Variants in PIAS1 observed in about 807,000 individuals in gnomAD.
PIAS1 encodes E3 SUMO-protein ligase PIAS1.
PIAS1 carries 6 observed loss-of-function variants against 71.3 expected under a neutral mutation model. The ratio of observed to expected loss-of-function variants is 0.08; its 90% CI spans 0.05 to 0.17. The LOEUF (loss-of-function observed/expected upper bound fraction) is 0.17. Ranked by LOEUF, PIAS1 falls within the 10% of genes least tolerant of loss-of-function variation. PIAS1 has a pLI of 1.00. For missense variants in PIAS1, 555 were observed against 793.6 expected, an observed-to-expected ratio of 0.70 and a Z score of 3.61; for synonymous variants, 303 against 292.9, an observed-to-expected ratio of 1.03 and a Z score of -0.35.
chr15:68,055,661 C>G (rs1012339016), intron 1 of PIAS1: 1 of 380,372 alleles, frequency 2.6e-6, no homozygotes, highest in African/African-American at 2.1e-5. Flanking sequence ...CTGGTTATGT[C>G]TCGACCCAGA....
rs1250658850 is a variant in PIAS1, at chr15:68,134,961, G to C, written c.470-6985G>C. 3.2e-4 allele frequency among the ~76,000 whole-genome samples: 16 copies of C among 50,744 alleles called. 1 individual carries two copies. Among genetic ancestry groups the C allele is most frequent in the African/African-American group, 6.2e-4 (15 of 24,326 alleles). The allele number at this position is 50,744 out of a possible 152,430, so 33.3% of individuals were successfully genotyped here. On this transcript the variant is annotated intron_variant, in intron 2 of 13. Transcript: ENST00000249636. Reference sequence around the variant, plus strand: ...CACCCCCCGGACGGGGCGGCCGGCCGGGGGGGCTAACCCCCCCCACCTCCC... The same window carrying C: ...CACCCCCCGGACGGGGCGGCCGGCCCGGGGGGCTAACCCCCCCCACCTCCC...
chr15:68,081,136 G>A (rs186343907), intron 1 of PIAS1, among the ~76,000 whole-genome samples: 7 of 152,274 alleles, frequency 4.6e-5, no homozygotes, highest in East Asian at 3.9e-4. Context: ...CAGAGTTTGC[G>A]TACATATATA....
intron 1 of PIAS1, among the ~76,000 whole-genome samples, chr15:68,066,074 A>C (rs1462453094): frequency 2.0e-5 from 3 of 151,212 alleles, no homozygotes; most frequent in Admixed American, 6.6e-5. Flanking sequence ...TGTAATCAGT[A>C]ATGGTGTGGG....
intron 2 of PIAS1, among the ~76,000 whole-genome samples, chr15:68,113,102 A>G (rs575418052): frequency 6.6e-6 from 1 of 152,330 alleles, no homozygotes; most frequent in East Asian, 1.9e-4. Context: ...CATTAAAGAT[A>G]TGTTTATTAA....
In PIAS1 at chr15:68,191,615, G is replaced by A. The variant is rs1465943863; in HGVS notation, c.*3780G>A. 1 of 152,648 alleles carries A rather than the reference G, an allele frequency of 6.6e-6. No individual in the cohort carries two copies. Among genetic ancestry groups the A allele is most frequent in the Non-Finnish European group, 1.5e-5 (1 of 68,040 alleles). The allele number at this position is 152,648 out of a possible 1,614,324, so 9.5% of individuals were successfully genotyped here. ...TAATTTTCTTGCAGCATGCTTTGAGGTAAGTAATGAATATAGCCATCATTT... is the reference window on the plus strand; with the variant it reads ...TAATTTTCTTGCAGCATGCTTTGAGATAAGTAATGAATATAGCCATCATTT... On this transcript the variant is annotated 3_prime_UTR_variant, in exon 14 of 14. Coordinates refer to ENST00000249636, the MANE Select transcript of PIAS1 (RefSeq NM_016166.3).
intron 7 of PIAS1, among the ~76,000 whole-genome samples, chr15:68,158,160 A>T (rs548971641): frequency 4.3e-4 from 65 of 152,156 alleles, no homozygotes; most frequent in African/African-American, 1.6e-3. Context: ...TGACACACAA[A>T]CTTTCCATCA....
At chr15:68,058,732 G>A (rs1236491904) in intron 1 of PIAS1, among the ~76,000 whole-genome samples, 1 of 152,140 alleles carries the variant, frequency 6.6e-6, no homozygotes, top group Non-Finnish European at 1.5e-5. Flanking sequence ...GAAAATTTCA[G>A]AGAATCTGAG....
intron 2 of PIAS1, among the ~76,000 whole-genome samples, chr15:68,114,695 CTA>C (rs2141013316): frequency 6.6e-6 from 1 of 151,982 alleles, no homozygotes; most frequent in East Asian, 1.9e-4. Context: ...CTCAGTGTTT[CTA>C]TCATCAGAAT....
intron 6 of PIAS1, among the ~76,000 whole-genome samples, chr15:68,152,928 AC>A (rs762935053): frequency 4.9e-4 from 52 of 105,416 alleles, no homozygotes; most frequent in Middle Eastern, 0.01. Context: ...GTCCCCTTCT[AC>A]CTCTGTCATC....
rs1326607188 is a variant in PIAS1 at position 68,188,072 on chromosome 15, AAAAGG to A, written c.*242_*246del. ...GTGATAAAACACTTGTTTAAAAAAA[AAAAGG>A]AAAGAAAAGAAAAAAGAAAAACAAG... On this transcript the variant is annotated 3_prime_UTR_variant, in exon 14 of 14. Transcript: ENST00000249636. 6.6e-6 allele frequency: 2 copies of A among 303,848 alleles called. No individual in the cohort carries two copies. The highest frequency in any genetic ancestry group is 5.2e-5 in the East Asian group (1 of 19,392). 18.8% of individuals were successfully genotyped at this position (303,848 alleles called of 1,614,324 possible). A position where few individuals can be genotyped will look rare whatever the true frequency, so the allele number is the denominator to read the frequency against.
intron 7 of PIAS1, among the ~76,000 whole-genome samples, chr15:68,159,057 T>C (rs945256662): frequency 3.3e-5 from 5 of 152,128 alleles, no homozygotes; most frequent in African/African-American, 7.2e-5. Context: ...AATCGACTTA[T>C]TGGGTAAAAC....
intron 2 of PIAS1, among the ~76,000 whole-genome samples, chr15:68,140,330 G>A (rs59274623): frequency 0.016 from 2,498 of 152,214 alleles, 70 homozygotes; most frequent in African/African-American, 0.058. Flanking sequence ...TAGAGCCAAC[G>A]ATTTAAATTA....
At chr15:68,098,489 A>G (rs986325308) in intron 2 of PIAS1, among the ~76,000 whole-genome samples, 2 of 152,192 alleles carry the variant, frequency 1.3e-5, no homozygotes, top group African/African-American at 2.4e-5. Context: ...ATGGACCCAC[A>G]CAGTTAAAAT....
At chr15:68,128,580 A>C (rs1487389364) in intron 2 of PIAS1, among the ~76,000 whole-genome samples, 4 of 152,222 alleles carry the variant, frequency 2.6e-5, no homozygotes, top group Non-Finnish European at 5.9e-5. Context: ...GATCTAAAAA[A>C]AAATTTTTTT....
chr15:68,144,168 A>G (rs1014484128), intron 4 of PIAS1, among the ~76,000 whole-genome samples: 4 of 150,736 alleles, frequency 2.7e-5, no homozygotes, highest in Non-Finnish European at 4.4e-5. Context: ...GGTAATTGTT[A>G]GGTGGTTCTT....
At chr15:68,065,245 T>C (rs1250749731) in intron 1 of PIAS1, among the ~76,000 whole-genome samples, 1 of 152,126 alleles carries the variant, frequency 6.6e-6, no homozygotes, top group Admixed American at 6.5e-5. Context: ...TAATTTAAAA[T>C]GGGACGATCC....
rs1482402382 is a variant in PIAS1, at chr15:68,191,961, T to C, written c.*4126T>C. On this transcript the variant is annotated 3_prime_UTR_variant, in exon 14 of 14. Coordinates refer to ENST00000249636, the MANE Select transcript of PIAS1 (RefSeq NM_016166.3). ...CCAACTGTGTGTTTTTGGCAAGTTA[T>C]ATTTCAGATTCCTGTTAGGCAAATG... 1 of 152,248 alleles carries C rather than the reference T, an allele frequency of 6.6e-6. No homozygotes were observed. Among genetic ancestry groups the C allele is most frequent in the African/African-American group, 2.4e-5 (1 of 41,468 alleles). The allele number at this position is 152,248 out of a possible 1,614,324, so 9.4% of individuals were successfully genotyped here.
intron 2 of PIAS1, among the ~76,000 whole-genome samples, chr15:68,139,072 C>T (rs886192977): frequency 3.9e-5 from 6 of 152,106 alleles, no homozygotes; most frequent in Non-Finnish European, 5.9e-5. Flanking sequence ...CAATATGTTA[C>T]TCATTTACAT....
rs1014829721 is a variant in PIAS1, at chr15:68,190,117, C to T, written c.*2282C>T. 2.6e-5 allele frequency: 4 copies of T among 152,130 alleles called. No individual in the cohort carries two copies. The highest frequency in any genetic ancestry group is 1.9e-4 in the East Asian group (1 of 5,190). 9.4% of individuals were successfully genotyped at this position (152,130 alleles called of 1,614,324 possible). ...TTGAATGATCCAGTTGAAAACGTAT[C>T]CCTCTACTTTCTTCAGTTGTAGAAA... On this transcript the variant is annotated 3_prime_UTR_variant, in exon 14 of 14. Coordinates refer to ENST00000249636, the MANE Select transcript of PIAS1 (RefSeq NM_016166.3). The surrounding 1 kb of genome is among the most constrained non-coding windows in gnomAD (Gnocchi z 4.7).
Sources: allele counts gnomAD v4.1 joint callset (sites outside exome capture counted in the v4.1 genomes callset), GRCh38; gene constraint gnomAD v4.1.1; non-coding constraint Gnocchi (gnomAD v3.1); transcripts MANE v1.5; gene names NCBI Gene and HGNC (gene_info 2026-07-23, HGNC 2026-07-21).